Variants in BTBD1 observed in about 807,000 individuals in gnomAD.
BTBD1 encodes the protein BTB domain containing 1.
In BTBD1, 34 loss-of-function variants were observed where a neutral mutation model predicts 48.0. The ratio of observed to expected loss-of-function variants is 0.71; its 90% CI spans 0.54 to 0.94. The LOEUF (loss-of-function observed/expected upper bound fraction) is 0.94, where lower values mean the gene tolerates loss of function less well. Among genes scored for constraint, BTBD1 ranks in the 40% least tolerant of loss-of-function variants. The pLI is 0.00. For missense variants in BTBD1, 543 were observed against 625.6 expected, an observed-to-expected ratio of 0.87 and a Z score of 1.41; for synonymous variants, 261 against 242.1, an observed-to-expected ratio of 1.08 and a Z score of -0.72.
At chr15:83,055,930 C>T (rs1294686095) in intron 2 of BTBD1, among the ~76,000 whole-genome samples, 1 of 152,096 alleles carries the variant, frequency 6.6e-6, no homozygotes, top group Non-Finnish European at 1.5e-5. Context: ...GATTCAGCAC[C>T]GTATTAACTC....
chr15:83,056,614 A>C, intron 1 of BTBD1, 69 bp from the exon 2 acceptor site: 1 of 1,342,812 alleles, frequency 7.4e-7, no homozygotes, highest in Non-Finnish European at 1.1e-6. Context: ...ATCACAGTTA[A>C]ATTTCTGAGG....
At chr15:83,063,251 T>C (rs147375615) in intron 1 of BTBD1, among the ~76,000 whole-genome samples, 45 of 152,358 alleles carry the variant, frequency 3.0e-4, no homozygotes, top group African/African-American at 1.0e-3. Flanking sequence ...CTTCACAGTC[T>C]ACATGCCTTC....
At chr15:83,046,584 G>T (rs993777646) in intron 3 of BTBD1, among the ~76,000 whole-genome samples, 5 of 152,326 alleles carry the variant, frequency 3.3e-5, no homozygotes, top group African/African-American at 9.6e-5. Context: ...TTTATAAGGT[G>T]TAAGTTACCC....
Position 83,041,710 on chromosome 15 carries a change from G to A in BTBD1, c.862+18C>T, listed in dbSNP as rs1567107962. 1.2e-6 allele frequency: 2 copies of A among 1,610,088 alleles called. No individual in the cohort carries two copies. The highest frequency in any genetic ancestry group is 1.7e-6 in the Non-Finnish European group (2 of 1,176,526). ...TTAAAACAGTTTCAAATAGATTTTG[G>A]TGAATTTATACCCTTACCTGCTGCA... On this transcript the variant is annotated intron_variant, in intron 4 of 7. Transcript: ENST00000261721.
chr15:83,050,432 G>T (rs1159036168), intron 2 of BTBD1, among the ~76,000 whole-genome samples: 1 of 78,800 alleles, frequency 1.3e-5, no homozygotes, highest in Non-Finnish European at 2.7e-5. Context: ...TTATGTGCTT[G>T]TGTGTGTGTG....
At chr15:83,019,363 AT>A (rs202212135) in intron 6 of BTBD1, among the ~76,000 whole-genome samples, 1 of 150,808 alleles carries the variant, frequency 6.6e-6, no homozygotes, top group Non-Finnish European at 1.5e-5. Context: ...CTAATTTTTC[AT>A]TTTTTTTGTA....
In BTBD1 at chr15:83,041,749, T is replaced by C; in HGVS notation, c.841A>G (p.Thr281Ala). ...TTACCTGCTGCAAATTCCTCAATTG[T>C]CATCAGTGGGAACCGGATTAAGGAA... ...ALSLIRFPLMTIEEFAAGPAQ... is the reference protein window; with the variant it reads ...ALSLIRFPLMAIEEFAAGPAQ... The change falls in exon 4 of 8, where the codon ACA becomes GCA. Residue 281 changes from threonine to alanine, a missense_variant. By Grantham distance (58) the Thr-to-Ala change is moderately conservative. Transcript: ENST00000261721. 1.9e-6 allele frequency: 3 copies of C among 1,614,190 alleles called. No homozygotes were observed. Among genetic ancestry groups the C allele is most frequent in the Non-Finnish European group, 2.5e-6 (3 of 1,180,016 alleles).
chr15:83,058,602 TAAA>T (rs1337387761), intron 1 of BTBD1, among the ~76,000 whole-genome samples: 1 of 151,826 alleles, frequency 6.6e-6, no homozygotes, highest in Non-Finnish European at 1.5e-5. Flanking sequence ...AAGTGAGACT[TAAA>T]AAAATTTTTT....
chr15:83,039,372 A>G (rs72755969), intron 4 of BTBD1, among the ~76,000 whole-genome samples: 3,331 of 152,202 alleles, frequency 0.022, 57 homozygotes, highest in South Asian at 0.04. Context: ...TAAAAAAAAC[A>G]GTTGCTGGCA....
rs1263551491 is a variant in BTBD1, at chr15:83,057,273, G to A, written c.402-728C>T. 2.0e-5 allele frequency among the ~76,000 whole-genome samples: 3 copies of A among 152,192 alleles called. No homozygotes were observed. In the South Asian group the frequency reaches 6.2e-4, roughly 32 times the overall value. On this transcript the variant is annotated intron_variant, in intron 1 of 7. Coordinates refer to ENST00000261721, the MANE Select transcript of BTBD1 (RefSeq NM_025238.4). ...TCAGTGCCATACAGTAAGGCCAAGA[G>A]GAAATAGACTGCTTGGGTTTGAGCT...
intron 5 of BTBD1, chr15:83,024,321 TTATA>T (rs2032362990): frequency 6.6e-6 from 1 of 152,240 alleles, no homozygotes; most frequent in Non-Finnish European, 1.5e-5. Context: ...AAAGATCACA[TTATA>T]TAGAGATGAT....
intron 3 of BTBD1, among the ~76,000 whole-genome samples, chr15:83,048,922 G>A (rs2032929757): frequency 6.6e-6 from 1 of 152,138 alleles, no homozygotes; most frequent in Non-Finnish European, 1.5e-5. Flanking sequence ...TAGTGGTGGT[G>A]GGTTAAATCC....
At chr15:83,032,805 C>G (rs7183833) in intron 4 of BTBD1, among the ~76,000 whole-genome samples, 1 of 151,872 alleles carries the variant, frequency 6.6e-6, no homozygotes, top group Non-Finnish European at 1.5e-5. Flanking sequence ...AACCCCATCT[C>G]TACTAAAAAC....
At chr15:83,062,896 T>C (rs985645404) in intron 1 of BTBD1, among the ~76,000 whole-genome samples, 23 of 152,198 alleles carry the variant, frequency 1.5e-4, no homozygotes, top group Non-Finnish European at 1.5e-5. Flanking sequence ...TTATACTGTC[T>C]CCAGCTCCTC....
chr15:83,047,947 A>G (rs190428665), intron 3 of BTBD1, among the ~76,000 whole-genome samples: 1 of 152,342 alleles, frequency 6.6e-6, no homozygotes, highest in East Asian at 1.9e-4. Flanking sequence ...TTTTTTATTT[A>G]TAAAGATCAT....
At chr15:83,032,898 G>C (rs2032547727) in intron 4 of BTBD1, among the ~76,000 whole-genome samples, 1 of 147,328 alleles carries the variant, frequency 6.8e-6, no homozygotes, top group African/African-American at 2.5e-5. Context: ...CTTGAACCTG[G>C]AAGGTGGAGG....
At chr15:83,027,722 T>C (rs533224288) in intron 5 of BTBD1, among the ~76,000 whole-genome samples, 40 of 152,340 alleles carry the variant, frequency 2.6e-4, no homozygotes, top group Non-Finnish European at 2.9e-4. Context: ...AGTTCAGAAA[T>C]AGACACTATG....
chr15:83,044,579 G>T, intron 3 of BTBD1: 1 of 1,597,168 alleles, frequency 6.3e-7, no homozygotes, highest in South Asian at 1.1e-5. Flanking sequence ...TGGGAGAGAA[G>T]TTTGAAGAAA....
At chr15:83,019,386 G>A (rs1440060344) in intron 6 of BTBD1, among the ~76,000 whole-genome samples, 3 of 151,342 alleles carry the variant, frequency 2.0e-5, no homozygotes, top group South Asian at 2.1e-4. Flanking sequence ...AGATGGGATC[G>A]TGTTCTGTTG....
Sources: gnomAD v4.1 joint callset for allele counts (sites outside exome capture counted in the v4.1 genomes callset) on GRCh38, gnomAD v4.1.1 for gene constraint, MANE v1.5 for transcripts, NCBI Gene and HGNC (gene_info 2026-07-23, HGNC 2026-07-21) for gene names.